The following ENOX2 variants were observed in gnomAD, a reference collection of about 807,000 sequenced individuals.
ENOX2 encodes ecto-NOX disulfide-thiol exchanger 2.
ENOX2 carries 36 observed loss-of-function variants against 45.0 expected under a neutral mutation model. The observed-to-expected ratio is 0.80, with a 90% confidence interval of 0.61 to 1.06. ENOX2 has a LOEUF of 1.06. Among genes scored for constraint, ENOX2 ranks in the 50% least tolerant of loss-of-function variants. ENOX2 has a pLI of 0.00. For synonymous variants in ENOX2, 174 were observed against 152.3 expected (o/e 1.14, Z -1.05); for missense variants, 423 against 462.5 (o/e 0.91, Z 0.78).
intron 4 of ENOX2, 48 bp from the exon 5 acceptor site, chrX:130,689,066 G>A: frequency 9.2e-7 from 1 of 1,087,059 alleles, no homozygotes. Context: ...GCAAAGTTAA[G>A]TGGAGATAGA....
At chrX:130,810,112 A>C (rs1258241941) in intron 2 of ENOX2, among the ~76,000 whole-genome samples, 1 of 110,510 alleles carries the variant, frequency 9.0e-6, no homozygotes, top group South Asian at 3.9e-4. Flanking sequence ...CACAGTATGG[A>C]AAGATACCCT....
chrX:130,758,302 C>T (rs1205835267), intron 3 of ENOX2, among the ~76,000 whole-genome samples: 2 of 112,168 alleles, frequency 1.8e-5, no homozygotes, highest in African/African-American at 6.5e-5. Flanking sequence ...TAACCCCTGA[C>T]AACCACCAGT....
chrX:130,888,604 T>C (rs2078943701), intron 2 of ENOX2, among the ~76,000 whole-genome samples: 1 of 112,329 alleles, frequency 8.9e-6, no homozygotes, highest in Non-Finnish European at 1.9e-5. Context: ...TATACAATTG[T>C]ATGGGATTAT....
At chrX:130,765,854 G>A in intron 3 of ENOX2, among the ~76,000 whole-genome samples, 1 of 111,566 alleles carries the variant, frequency 9.0e-6, no homozygotes, top group Non-Finnish European at 1.9e-5. Context: ...AAGAAATCAT[G>A]TGCTTCTACA....
chrX:130,629,501 C>T (rs1200082435), intron 13 of ENOX2, among the ~76,000 whole-genome samples: 1 of 112,571 alleles, frequency 8.9e-6, no homozygotes, highest in East Asian at 2.8e-4. Flanking sequence ...TTCCTTGTAT[C>T]CCCAGCATTT....
intron 9 of ENOX2, among the ~76,000 whole-genome samples, chrX:130,662,773 A>G (rs2036726598): frequency 8.9e-6 from 1 of 112,525 alleles, no homozygotes; most frequent in Non-Finnish European, 1.9e-5. Context: ...TAGGGAATGC[A>G]ATACCAGAGA....
At chrX:130,782,364 G>A (rs1224739616) in intron 3 of ENOX2, among the ~76,000 whole-genome samples, 1 of 111,261 alleles carries the variant, frequency 9.0e-6, no homozygotes, top group African/African-American at 3.3e-5. Context: ...GTGACTCTCA[G>A]AGAGGTTAAG....
intron 13 of ENOX2, 43 bp downstream of exon 13, chrX:130,631,425 T>A: frequency 4.1e-6 from 3 of 735,091 alleles, no homozygotes; most frequent in Non-Finnish European, 4.3e-6. Flanking sequence ...TCCTCCATTG[T>A]ACCCAGGCAT....
intron 2 of ENOX2, among the ~76,000 whole-genome samples, chrX:130,888,724 A>G (rs2078944843): frequency 8.9e-6 from 1 of 112,368 alleles, no homozygotes; most frequent in Non-Finnish European, 1.9e-5. Flanking sequence ...ACACTGCTCA[A>G]TTCTTACAAT....
At chrX:130,870,931 G>A (rs1192915569) in intron 2 of ENOX2, among the ~76,000 whole-genome samples, 8 of 107,132 alleles carry the variant, frequency 7.5e-5, no homozygotes, top group African/African-American at 2.4e-4. Context: ...GGAGGGAGAC[G>A]GAGAGAGAGA....
intron 2 of ENOX2, among the ~76,000 whole-genome samples, chrX:130,838,368 G>A (rs2077962694): frequency 8.9e-6 from 1 of 111,744 alleles, no homozygotes; most frequent in African/African-American, 3.3e-5. Context: ...GGGGACAAGA[G>A]CGAAACTCTG....
intron 3 of ENOX2, among the ~76,000 whole-genome samples, chrX:130,719,316 G>A (rs1382545775): frequency 9.0e-6 from 1 of 111,005 alleles, no homozygotes; most frequent in African/African-American, 3.3e-5. Flanking sequence ...ACAACAGAGG[G>A]GGAAATATTG....
chrX:130,777,121 T>C (rs1227757835), intron 3 of ENOX2, among the ~76,000 whole-genome samples: 4 of 111,746 alleles, frequency 3.6e-5, no homozygotes, highest in Non-Finnish European at 7.5e-5. Context: ...GGTCTGGTAA[T>C]AACTAGTTCT....
At chrX:130,856,670 G>A (rs1383191767) in intron 2 of ENOX2, among the ~76,000 whole-genome samples, 1 of 110,286 alleles carries the variant, frequency 9.1e-6, no homozygotes, top group Non-Finnish European at 1.9e-5. Flanking sequence ...ATATCTTTTG[G>A]AACAAACTAA....
intron 2 of ENOX2, among the ~76,000 whole-genome samples, chrX:130,802,805 G>C (rs1043601201): frequency 3.6e-5 from 4 of 112,230 alleles, no homozygotes; most frequent in Non-Finnish European, 5.6e-5. Flanking sequence ...TTAAAAACAA[G>C]AAGTGAGGAA....
At chrX:130,715,547 C>T (rs1051294902) in intron 3 of ENOX2, among the ~76,000 whole-genome samples, 5 of 111,208 alleles carry the variant, frequency 4.5e-5, no homozygotes, top group Non-Finnish European at 9.4e-5. Context: ...ATCTTCACTA[C>T]CCTTCATGTT....
chrX:130,661,658 T>C (rs993194707), intron 9 of ENOX2, among the ~76,000 whole-genome samples: 5 of 112,313 alleles, frequency 4.5e-5, no homozygotes, highest in African/African-American at 1.6e-4. Context: ...ATGTCTATTA[T>C]ATGATACATA....
At chrX:130,698,690 C>T (rs2037824679) in intron 4 of ENOX2, among the ~76,000 whole-genome samples, 1 of 111,554 alleles carries the variant, frequency 9.0e-6, no homozygotes, top group South Asian at 3.8e-4. Context: ...GAGGAGCTTG[C>T]AGAACAGTGG....
chrX:130,735,486 C>T (rs975367212), intron 3 of ENOX2, among the ~76,000 whole-genome samples: 2 of 111,656 alleles, frequency 1.8e-5, no homozygotes, highest in African/African-American at 3.3e-5. Context: ...CCTCCTGGTC[C>T]CTCTGGTTCT....
Sources: gnomAD v4.1 joint callset for allele counts (sites outside exome capture counted in the v4.1 genomes callset) on GRCh38, gnomAD v4.1.1 for gene constraint, MANE v1.5 for transcripts, NCBI Gene and HGNC (gene_info 2026-07-23, HGNC 2026-07-21) for gene names.